DOCK1: variants seen among roughly 807,000 people sequenced by gnomAD.
The protein encoded by DOCK1 is dedicator of cytokinesis 1.
A neutral mutation model predicts 262.7 loss-of-function variants in DOCK1; 138 were observed. That is an observed-to-expected ratio of 0.53 (90% CI 0.46 to 0.61). The LOEUF (loss-of-function observed/expected upper bound fraction) is 0.61. DOCK1 is among the 20% of genes least tolerant of loss of function. The pLI is 0.00. For missense variants in DOCK1, 1,908 were observed against 2,370.7 expected, an observed-to-expected ratio of 0.80 and a Z score of 4.05; for synonymous variants, 866 against 867.4, an observed-to-expected ratio of 1.00 and a Z score of 0.03.
intron 30 of DOCK1, among the ~76,000 whole-genome samples, chr10:127,340,808 T>C (rs1451043253): frequency 6.6e-6 from 1 of 152,224 alleles, no homozygotes; most frequent in Non-Finnish European, 1.5e-5. Flanking sequence ...TAAGAATACT[T>C]AGTGGCCATG....
intron 27 of DOCK1, among the ~76,000 whole-genome samples, chr10:127,245,990 C>G (rs1263719405): frequency 6.6e-6 from 1 of 152,190 alleles, no homozygotes; most frequent in Non-Finnish European, 1.5e-5. Context: ...AGCTCCTCCT[C>G]TCAAGGGGAA....
intron 23 of DOCK1, among the ~76,000 whole-genome samples, chr10:127,072,257 A>C (rs775324134): frequency 6.6e-6 from 1 of 152,088 alleles, no homozygotes; most frequent in Non-Finnish European, 1.5e-5. Context: ...AATTCCTTCA[A>C]TCATATGTTC....
At chr10:127,213,023 C>G (rs2058051187) in intron 27 of DOCK1, among the ~76,000 whole-genome samples, 1 of 152,142 alleles carries the variant, frequency 6.6e-6, no homozygotes, top group Non-Finnish European at 1.5e-5. Flanking sequence ...TTCTTCTCCC[C>G]CATCCCCTTT....
At chr10:127,240,672 T>C (rs1192316220) in intron 27 of DOCK1, among the ~76,000 whole-genome samples, 3 of 152,230 alleles carry the variant, frequency 2.0e-5, no homozygotes, top group African/African-American at 4.8e-5. Context: ...CATCGTTCTT[T>C]CTATATTTTT....
At chr10:127,301,429 C>A (rs2061674931) in intron 29 of DOCK1, among the ~76,000 whole-genome samples, 1 of 152,190 alleles carries the variant, frequency 6.6e-6, no homozygotes, top group Admixed American at 6.5e-5. Flanking sequence ...AAACACACTT[C>A]AGTGAGTACT....
In DOCK1 at chr10:126,981,919, G is replaced by T; in HGVS notation, c.173G>T (p.Gly58Val). 6.2e-7 allele frequency: 1 copy of T among 1,612,648 alleles called. No homozygotes were observed. Among genetic ancestry groups the T allele is most frequent in the African/African-American group, 1.3e-5 (1 of 74,868 alleles). The stretch of plus-strand genomic sequence containing the variant: ...ACTGTTTTTTTTTTCCTCCCAAAGG[G>T]TATATTTCCTGCTTCATATATTCAT... Reference protein sequence around the residue: ...GYTLRKKSKKGIFPASYIHLK... With the variant: ...GYTLRKKSKKVIFPASYIHLK... The change falls in exon 4 of 52, where the codon GGT becomes GTT. Residue 58 changes from glycine to valine, a missense_variant and splice_region_variant. Coordinates refer to ENST00000623213, the MANE Select transcript of DOCK1 (RefSeq NM_001290223.2).
intron 5 of DOCK1, among the ~76,000 whole-genome samples, chr10:126,989,202 A>T (rs1180940494): frequency 6.6e-6 from 1 of 152,208 alleles, no homozygotes; most frequent in African/African-American, 2.4e-5. Context: ...AGAAACTCCT[A>T]GAAAGAAGGT....
intron 29 of DOCK1, among the ~76,000 whole-genome samples, chr10:127,266,390 A>C (rs2060355236): frequency 6.6e-6 from 1 of 152,058 alleles, no homozygotes; most frequent in Non-Finnish European, 1.5e-5. Context: ...CAATGGCTTG[A>C]TGATTTTAGG....
At chr10:127,277,417 G>A (rs2060781325) in intron 29 of DOCK1, among the ~76,000 whole-genome samples, 1 of 152,086 alleles carries the variant, frequency 6.6e-6, no homozygotes, top group African/African-American at 2.4e-5. Context: ...TAGGTCTATA[G>A]ATGAGTGTTT....
At chr10:127,089,690 C>T (rs1165021497) in intron 23 of DOCK1, among the ~76,000 whole-genome samples, 1 of 152,130 alleles carries the variant, frequency 6.6e-6, no homozygotes, top group East Asian at 1.9e-4. Flanking sequence ...CTGGGCAGGG[C>T]GTGGAGATGG....
At chr10:126,992,991 C>A (rs529015770) in intron 6 of DOCK1, among the ~76,000 whole-genome samples, 25 of 152,338 alleles carry the variant, frequency 1.6e-4, no homozygotes, top group Admixed American at 1.5e-3. Flanking sequence ...GGGTTGACTG[C>A]ACAGGCCACT....
chr10:127,272,832 G>T (rs1394097762), intron 29 of DOCK1, among the ~76,000 whole-genome samples: 1 of 152,214 alleles, frequency 6.6e-6, no homozygotes, highest in African/African-American at 2.4e-5. Context: ...GACAAGAGAA[G>T]AGAGCTTGTG....
intron 27 of DOCK1, among the ~76,000 whole-genome samples, chr10:127,226,570 C>T (rs1244816405): frequency 2.6e-5 from 4 of 152,002 alleles, no homozygotes; most frequent in Non-Finnish European, 5.9e-5. Flanking sequence ...TGGTGAAACC[C>T]CATCTCTACT....
At chr10:127,164,078 G>A (rs1006089582) in intron 27 of DOCK1, among the ~76,000 whole-genome samples, 8 of 150,428 alleles carry the variant, frequency 5.3e-5, no homozygotes, top group South Asian at 2.1e-4. Context: ...CCTGGGTGGC[G>A]TCCCAGGGGA....
At chr10:127,387,031 TGGGCA>T (rs10550787) in intron 38 of DOCK1, among the ~76,000 whole-genome samples, 73,389 of 151,546 alleles carry the variant, frequency 0.48, 18,369 homozygotes, top group African/African-American at 0.62. Context: ...TGCTACAGAA[TGGGCA>T]GGGCAGGGCA....
chr10:127,334,809 GC>G (rs952885531), intron 29 of DOCK1, among the ~76,000 whole-genome samples: 3 of 152,036 alleles, frequency 2.0e-5, no homozygotes, highest in African/African-American at 7.2e-5. Flanking sequence ...AATTCTCCTG[GC>G]TCAGAATAAG....
chr10:127,257,385 C>T lies in DOCK1; in HGVS notation c.3000C>T (p.Asn1000=), dbSNP rs370281769. ...TGTTTAAGAACCTCATTGGAAAGAACGTTTACCCCTTCGACTGGGTGATCA... is the reference window on the plus strand; with the variant it reads ...TGTTTAAGAACCTCATTGGAAAGAATGTTTACCCCTTCGACTGGGTGATCA... The part of the protein sequence containing the change: ...FIMFKNLIGK[N]VYPFDWVIMN... The change falls in exon 29 of 52, where the codon AAC becomes AAT. Residue 1000 remains asparagine, a synonymous_variant. Coordinates refer to ENST00000623213, the MANE Select transcript of DOCK1 (RefSeq NM_001290223.2). The T allele has an allele frequency of 4.3e-5, 69 of 1,607,494 alleles. No individual in the cohort carries two copies. The highest frequency in any genetic ancestry group is 1.6e-4 in the Middle Eastern group (1 of 6,076).
intron 6 of DOCK1, among the ~76,000 whole-genome samples, chr10:126,993,377 C>G (rs1247738790): frequency 1.3e-5 from 2 of 152,186 alleles, no homozygotes; most frequent in Non-Finnish European, 2.9e-5. Flanking sequence ...CACAGTAGTA[C>G]TGACTCTATC....
rs117811059 is a variant in DOCK1, at chr10:127,178,610, G to C, written c.2847+50846G>C. 3.0e-4 allele frequency among the ~76,000 whole-genome samples: 45 copies of C among 152,336 alleles called. 1 individual carries two copies. In the East Asian group the frequency reaches 8.7e-3, roughly 29 times the overall value. Reference sequence around the variant, plus strand: ...ATTATCCTATAGTGTGTCCTGAAAGGTGAGGCTTGCGTAGACAGCAAAGGA... The same window carrying C: ...ATTATCCTATAGTGTGTCCTGAAAGCTGAGGCTTGCGTAGACAGCAAAGGA... On this transcript the variant is annotated intron_variant, in intron 27 of 51. Coordinates refer to ENST00000623213, the MANE Select transcript of DOCK1 (RefSeq NM_001290223.2).
Sources: gnomAD v4.1 joint callset for allele counts (sites outside exome capture counted in the v4.1 genomes callset) on GRCh38, gnomAD v4.1.1 for gene constraint, MANE v1.5 for transcripts, NCBI Gene and HGNC (gene_info 2026-07-23, HGNC 2026-07-21) for gene names.